The following SCRG1 variants were observed in gnomAD, a reference collection of about 807,000 sequenced individuals.
SCRG1 encodes the protein stimulator of chondrogenesis 1.
Under a neutral mutation model 7.7 loss-of-function variants are expected in SCRG1, and 3 were observed. The observed-to-expected ratio is 0.39, with a 90% CI of 0.18 to 1.01. The LOEUF is 1.01. Among genes scored for constraint, SCRG1 ranks in the 50% least tolerant of loss-of-function variants. SCRG1 has a pLI of 0.36. For synonymous variants in SCRG1, 46 were observed against 41.2 expected (o/e 1.12, Z -0.44); for missense variants, 110 against 117.2 (o/e 0.94, Z 0.28).
chr4:173,507,210 T>C, the SCRG1 span, among the ~76,000 whole-genome samples: 8 of 151,846 alleles, frequency 5.3e-5, no homozygotes, highest in Non-Finnish European at 1.2e-4. The surrounding 1 kb of genome is among the most constrained non-coding windows in gnomAD (Gnocchi z 4.4). Flanking sequence ...TTTGTTTGTT[T>C]GTTTGTTTGT....
the SCRG1 span, among the ~76,000 whole-genome samples, chr4:173,442,520 T>A: frequency 7.9e-5 from 12 of 152,218 alleles, no homozygotes; most frequent in African/African-American, 2.7e-4. Context: ...AACTTAGTGT[T>A]CTGAGGAGTC....
At chr4:173,422,833 G>T in the SCRG1 span, among the ~76,000 whole-genome samples, 1 of 152,004 alleles carries the variant, frequency 6.6e-6, no homozygotes, top group African/African-American at 2.4e-5. Flanking sequence ...TATTTTAATT[G>T]CTATAATTAT....
upstream of SCRG1, among the ~76,000 whole-genome samples, chr4:173,399,954 T>C (rs1739717262): frequency 6.6e-6 from 1 of 152,188 alleles, no homozygotes; most frequent in South Asian, 2.1e-4. Flanking sequence ...TCGGAGATTA[T>C]AGGTGGTTTC....
At chr4:173,394,837 T>C (rs899946271) in intron 1 of SCRG1, among the ~76,000 whole-genome samples, 1 of 152,346 alleles carries the variant, frequency 6.6e-6, no homozygotes, top group East Asian at 1.9e-4. Context: ...GTCTTTCAAC[T>C]TTTATGCTAG....
chr4:173,470,433 G>A, the SCRG1 span, among the ~76,000 whole-genome samples: 6 of 152,148 alleles, frequency 3.9e-5, no homozygotes, highest in Admixed American at 3.9e-4. Flanking sequence ...TCATACTGAC[G>A]TGTCAGGCAG....
chr4:173,480,204 A>G, the SCRG1 span, among the ~76,000 whole-genome samples: 1 of 152,178 alleles, frequency 6.6e-6, no homozygotes, highest in Non-Finnish European at 1.5e-5. Context: ...ACCTGAATCA[A>G]GTCAAGACTT....
At chr4:173,502,848 A>T in the SCRG1 span, among the ~76,000 whole-genome samples, 2 of 152,198 alleles carry the variant, frequency 1.3e-5, no homozygotes, top group Non-Finnish European at 2.9e-5. The surrounding 1 kb of genome is among the most constrained non-coding windows in gnomAD (Gnocchi z 4.6). Flanking sequence ...GCCCAGGTGC[A>T]CTCTGGCTGC....
At chr4:173,396,418 A>C (rs952335805) in intron 1 of SCRG1, among the ~76,000 whole-genome samples, 4 of 152,212 alleles carry the variant, frequency 2.6e-5, no homozygotes, top group Admixed American at 2.0e-4. Flanking sequence ...AGGGCAATTC[A>C]ATATTCAGAG....
the SCRG1 span, among the ~76,000 whole-genome samples, chr4:173,510,579 C>T: frequency 3.9e-5 from 6 of 152,168 alleles, no homozygotes; most frequent in South Asian, 8.3e-4. This position sits in a 1 kb window ranked among gnomAD's most constrained non-coding sequence, Gnocchi z 5.7. Flanking sequence ...AGCCCCGTTT[C>T]GAGCTACGAA....
chr4:173,483,221 T>TATA, the SCRG1 span, among the ~76,000 whole-genome samples: 4 of 61,066 alleles, frequency 6.6e-5, no homozygotes, highest in East Asian at 1.0e-3. Flanking sequence ...TCATATAATA[T>TATA]ATATATTATA....
chr4:173,507,135 G>C, the SCRG1 span, among the ~76,000 whole-genome samples: 1 of 152,218 alleles, frequency 6.6e-6, no homozygotes, highest in African/African-American at 2.4e-5. This position sits in a 1 kb window ranked among gnomAD's most constrained non-coding sequence, Gnocchi z 4.4. Context: ...CCGCGAGATG[G>C]TGCTAATTAA....
chr4:173,448,032 A>G, the SCRG1 span, among the ~76,000 whole-genome samples: 1 of 152,162 alleles, frequency 6.6e-6, no homozygotes, highest in African/African-American at 2.4e-5. Context: ...TGAACCAGGG[A>G]GGCAGAGGTT....
At chr4:173,449,001 T>A in the SCRG1 span, among the ~76,000 whole-genome samples, 1 of 152,250 alleles carries the variant, frequency 6.6e-6, no homozygotes, top group Non-Finnish European at 1.5e-5. Context: ...CATTTTGCGA[T>A]GTTGCTAAGT....
chr4:173,415,623 T>G, the SCRG1 span, among the ~76,000 whole-genome samples: 1 of 152,198 alleles, frequency 6.6e-6, no homozygotes, highest in African/African-American at 2.4e-5. Flanking sequence ...CCAAACGACC[T>G]TTATTTCTCA....
chr4:173,502,361 C>G, the SCRG1 span, among the ~76,000 whole-genome samples: 1 of 152,112 alleles, frequency 6.6e-6, no homozygotes, highest in African/African-American at 2.4e-5. The surrounding 1 kb of genome is among the most constrained non-coding windows in gnomAD (Gnocchi z 4.6). Context: ...CTGAATAACC[C>G]CGAAGGCAGC....
chr4:173,473,400 AC>A, the SCRG1 span, among the ~76,000 whole-genome samples: 1 of 152,158 alleles, frequency 6.6e-6, no homozygotes, highest in Non-Finnish European at 1.5e-5. Flanking sequence ...TTGCAAACAT[AC>A]CCTAAGTTGG....
the SCRG1 span, among the ~76,000 whole-genome samples, chr4:173,488,369 A>T: frequency 6.6e-6 from 1 of 152,162 alleles, no homozygotes; most frequent in African/African-American, 2.4e-5. Context: ...TTGGTAGGTG[A>T]TGTTGGACAC....
the SCRG1 span, among the ~76,000 whole-genome samples, chr4:173,440,361 C>T: frequency 5.9e-5 from 9 of 152,180 alleles, no homozygotes; most frequent in Non-Finnish European, 7.3e-5. Context: ...GGAATGGGCA[C>T]GGCTTTGACA....
chr4:173,476,003 A>G, the SCRG1 span, among the ~76,000 whole-genome samples: 1 of 151,978 alleles, frequency 6.6e-6, no homozygotes, highest in Non-Finnish European at 1.5e-5. Flanking sequence ...TGGAAGCAGA[A>G]GGTGGTGATG....
Sources: gnomAD v4.1 joint callset for allele counts (sites outside exome capture counted in the v4.1 genomes callset) on GRCh38, gnomAD v4.1.1 for gene constraint, Gnocchi (gnomAD v3.1) non-coding constraint, MANE v1.5 for transcripts, NCBI Gene and HGNC (gene_info 2026-07-23, HGNC 2026-07-21) for gene names.